SARNP: variants seen among roughly 807,000 people sequenced by gnomAD.
The protein encoded by SARNP is SAP domain containing ribonucleoprotein.
In SARNP, 5 loss-of-function variants were observed where a neutral mutation model predicts 38.1. That is an observed-to-expected ratio of 0.13 (90% CI 0.07 to 0.28). The LOEUF is 0.28. Ranked by LOEUF, SARNP falls within the 10% of genes least tolerant of loss-of-function variation. SARNP has a pLI of 1.00. For missense variants in SARNP, 180 were observed against 243.9 expected (o/e 0.74, Z 1.75); for synonymous variants, 84 against 80.6 (o/e 1.04, Z -0.23).
At chr12:55,770,508 T>C (rs772263) in intron 9 of SARNP, among the ~76,000 whole-genome samples, 42,211 of 151,486 alleles carry the variant, frequency 0.28, 11,886 homozygotes, top group African/African-American at 0.72. Context: ...CAAAGTGCTG[T>C]GATTACAGGC....
chr12:55,802,534 TTAAA>T (rs1880009941), intron 2 of SARNP, among the ~76,000 whole-genome samples: 1 of 151,938 alleles, frequency 6.6e-6, no homozygotes, highest in African/African-American at 2.4e-5. Context: ...CAAAATTATT[TTAAA>T]TACTGTATAA....
At chr12:55,793,441 C>T (rs1879731032) in intron 7 of SARNP, 2 of 152,086 alleles carry the variant, frequency 1.3e-5, no homozygotes, top group Non-Finnish European at 2.9e-5. Flanking sequence ...CCCTCCATTT[C>T]CTCAGGGGAT....
chr12:55,790,365 C>A (rs1879629243), intron 8 of SARNP, among the ~76,000 whole-genome samples: 1 of 152,150 alleles, frequency 6.6e-6, no homozygotes, highest in Admixed American at 6.6e-5. Flanking sequence ...AAGACGTCTG[C>A]AGTAATTGAA....
chr12:55,807,153 G>C (rs1880171522), intron 1 of SARNP, among the ~76,000 whole-genome samples: 1 of 152,080 alleles, frequency 6.6e-6, no homozygotes, highest in Non-Finnish European at 1.5e-5. Flanking sequence ...AGGTCACGGA[G>C]CAATACTTTC....
intron 9 of SARNP, among the ~76,000 whole-genome samples, chr12:55,779,274 AAAAGC>A (rs1879274180): frequency 6.6e-6 from 1 of 152,228 alleles, no homozygotes. Flanking sequence ...AAATTCCCCC[AAAAGC>A]TCTTGATCAG....
At chr12:55,776,348 C>T (rs1221465925) in intron 9 of SARNP, among the ~76,000 whole-genome samples, 1 of 152,042 alleles carries the variant, frequency 6.6e-6, no homozygotes. Context: ...GGTGGGATTA[C>T]TTGAGCCTAG....
At position 55,794,859 on chromosome 12, in the gene SARNP, G is replaced by T; in HGVS notation, c.325C>A (p.Arg109=). ...TCCAAGCTCACAGGTACATTGAATC[G>T]TTCAGCCCTCTTCTGCATTCTCTAA... ...QTERMQKRAE[R]FNVPVSLESK... The change falls in exon 6 of 11, where the codon CGA becomes AGA. Residue 109 remains arginine, a synonymous_variant. Coordinates refer to ENST00000336133, the MANE Select transcript of SARNP (RefSeq NM_033082.4). The T allele has an allele frequency of 6.3e-7, 1 of 1,582,020 alleles. No individual in the cohort carries two copies. Among genetic ancestry groups the T allele is most frequent in the South Asian group, 1.1e-5 (1 of 90,546 alleles).
At position 55,758,924 on chromosome 12, in the gene SARNP, T is replaced by C. The variant is rs570965912; in HGVS notation, c.592-1371A>G. ...AATATACTTTTTTTTTTTTTTTTTTTGAGACAGTCTTGCTCTGTTGCCCAG... is the reference window on the plus strand; with the variant it reads ...AATATACTTTTTTTTTTTTTTTTTTCGAGACAGTCTTGCTCTGTTGCCCAG... On this transcript the variant is annotated intron_variant, in intron 10 of 10. Transcript: ENST00000336133. 6.1e-4 allele frequency among the ~76,000 whole-genome samples: 92 copies of C among 149,836 alleles called. 1 individual carries two copies. The East Asian group carries it at 0.012, about 20-fold the overall frequency.
At chr12:55,785,347 G>A (rs1478345224) in intron 9 of SARNP, among the ~76,000 whole-genome samples, 1 of 152,080 alleles carries the variant, frequency 6.6e-6, no homozygotes, top group East Asian at 1.9e-4. Context: ...CTAAAATTGA[G>A]TCAAGTTAAT....
chr12:55,802,700 T>C (rs954864304), intron 2 of SARNP, among the ~76,000 whole-genome samples: 2 of 151,538 alleles, frequency 1.3e-5, no homozygotes. Flanking sequence ...GCATTTCAAA[T>C]ATATAACACT....
At position 55,816,243 on chromosome 12, in the gene SARNP, T is replaced by C. The variant is rs554072298; in HGVS notation, c.36+1423A>G. ...AAGAAAATATTAGCTCTTCTATATA[T>C]AGTTCCTTTTTATCTCATTCAAAAA... On this transcript the variant is annotated intron_variant, in intron 1 of 10. Transcript: ENST00000336133. 1.5e-4 allele frequency among the ~76,000 whole-genome samples: 23 copies of C among 152,348 alleles called. No homozygotes were observed. The South Asian group carries it at 4.4e-3, about 29-fold the overall frequency.
At chr12:55,779,322 AGTTTT>A (rs1879276115) in intron 9 of SARNP, among the ~76,000 whole-genome samples, 1 of 152,172 alleles carries the variant, frequency 6.6e-6, no homozygotes, top group South Asian at 2.1e-4. Flanking sequence ...GCCTACGTTG[AGTTTT>A]GTTTTTTCCA....
At chr12:55,814,964 T>G (rs1176692208) in intron 1 of SARNP, among the ~76,000 whole-genome samples, 2 of 152,092 alleles carry the variant, frequency 1.3e-5, no homozygotes, top group East Asian at 3.8e-4. Context: ...AGATACATAC[T>G]ATGTTTCCTT....
intron 7 of SARNP, among the ~76,000 whole-genome samples, chr12:55,792,213 C>T (rs1347948147): frequency 2.0e-5 from 3 of 152,166 alleles, no homozygotes; most frequent in South Asian, 2.1e-4. Context: ...TTAGTGATAG[C>T]GGCCAGAATT....
At chr12:55,811,912 GTCTT>G (rs2136208442) in intron 1 of SARNP, among the ~76,000 whole-genome samples, 1 of 152,262 alleles carries the variant, frequency 6.6e-6, no homozygotes, top group Middle Eastern at 3.4e-3. Flanking sequence ...TACTACTCTA[GTCTT>G]TCTTTCATAC....
chr12:55,763,232 G>C (rs1878728732), intron 9 of SARNP, among the ~76,000 whole-genome samples: 1 of 151,642 alleles, frequency 6.6e-6, no homozygotes, highest in Admixed American at 6.6e-5. Flanking sequence ...TAACATTATA[G>C]CCATGAACAT....
At chr12:55,783,219 C>T (rs150807268) in intron 9 of SARNP, among the ~76,000 whole-genome samples, 1 of 151,082 alleles carries the variant, frequency 6.6e-6, no homozygotes, top group Non-Finnish European at 1.5e-5. Flanking sequence ...AGAGAAAAAA[C>T]AACCAGTCAA....
intron 2 of SARNP, among the ~76,000 whole-genome samples, chr12:55,802,228 C>T (rs1452131795): frequency 6.6e-6 from 1 of 152,088 alleles, no homozygotes; most frequent in Non-Finnish European, 1.5e-5. Context: ...TCCTTAGTCA[C>T]ATTAAGTATA....
chr12:55,777,334 A>AT (rs1222075203), intron 9 of SARNP, among the ~76,000 whole-genome samples: 1 of 151,782 alleles, frequency 6.6e-6, no homozygotes, highest in Non-Finnish European at 1.5e-5. Flanking sequence ...AGCATCAAAA[A>AT]TTTCACCTTG....
Sources: gnomAD v4.1 joint callset for allele counts (sites outside exome capture counted in the v4.1 genomes callset) on GRCh38, gnomAD v4.1.1 for gene constraint, MANE v1.5 for transcripts, NCBI Gene and HGNC (gene_info 2026-07-23, HGNC 2026-07-21) for gene names.